The following KANSL1L variants were observed in gnomAD, a reference collection of about 807,000 sequenced individuals.
The protein encoded by KANSL1L is KAT8 regulatory NSL complex subunit 1 like, also known as KAT8 regulatory NSL complex subunit 1-like protein.
In KANSL1L, 25 loss-of-function variants were observed where a neutral mutation model predicts 108.6. The observed-to-expected ratio is 0.23, with a 90% CI of 0.17 to 0.32. The LOEUF is 0.32. KANSL1L is among the 10% of genes least tolerant of loss of function. The pLI, the probability that KANSL1L is intolerant of heterozygous loss-of-function variation, is 1.00. For synonymous variants in KANSL1L, 405 were observed against 395.1 expected (o/e 1.03, Z -0.30); for missense variants, 1,137 against 1,125.7 (o/e 1.01, Z -0.14).
chr2:210,133,954 A>G (rs1300844397), intron 2 of KANSL1L, among the ~76,000 whole-genome samples: 4 of 152,050 alleles, frequency 2.6e-5, no homozygotes, highest in Non-Finnish European at 5.9e-5. Context: ...AAATTTCTTT[A>G]GTGCGTGTAT....
chr2:210,163,128 T>A (rs2095370295), intron 1 of KANSL1L, among the ~76,000 whole-genome samples: 1 of 152,074 alleles, frequency 6.6e-6, no homozygotes, highest in Non-Finnish European at 1.5e-5. Flanking sequence ...CAAGGCACAC[T>A]AAAGGGCAAA....
At chr2:210,069,063 C>T (rs1488318864) in intron 6 of KANSL1L, among the ~76,000 whole-genome samples, 1 of 152,138 alleles carries the variant, frequency 6.6e-6, no homozygotes, top group Non-Finnish European at 1.5e-5. Flanking sequence ...TCATATTCTA[C>T]TCTAAAAAGC....
At chr2:210,149,822 A>C (rs2095289878) in intron 2 of KANSL1L, among the ~76,000 whole-genome samples, 1 of 151,992 alleles carries the variant, frequency 6.6e-6, no homozygotes, top group Non-Finnish European at 1.5e-5. Context: ...AAAATATTCA[A>C]AACAACATTT....
intron 3 of KANSL1L, 137 bp downstream of exon 3, chr2:210,128,894 A>C (rs1402468707): frequency 1.8e-5 from 11 of 619,818 alleles, no homozygotes; most frequent in Non-Finnish European, 1.6e-5. Context: ...TCAATTTATA[A>C]TAATATATCA....
At chr2:210,148,744 G>A (rs1016565025) in intron 2 of KANSL1L, among the ~76,000 whole-genome samples, 12 of 152,056 alleles carry the variant, frequency 7.9e-5, no homozygotes, top group Non-Finnish European at 1.2e-4. Context: ...AAAGTCAAGC[G>A]AAATATATAT....
intron 8 of KANSL1L, among the ~76,000 whole-genome samples, chr2:210,037,382 T>C (rs1274080690): frequency 6.6e-6 from 1 of 152,212 alleles, no homozygotes; most frequent in African/African-American, 2.4e-5. Flanking sequence ...TCTTCATGGA[T>C]GCATTTTTTT....
rs912681547 is a variant in KANSL1L at position 210,034,760 on chromosome 2, T to C, written c.2030-3214A>G. Among the ~76,000 whole-genome samples, 10 of 152,150 alleles carry C rather than the reference T, an allele frequency of 6.6e-5. 1 individual carries two copies. Among genetic ancestry groups the C allele is most frequent in the South Asian group, 6.2e-4 (3 of 4,824 alleles). ...TTGGTTTAGACCAAGTTGGAGGAAG[T>C]GTGGGTGACAAAGACTGAGCTCTAT... is the stretch of plus-strand genomic sequence containing the variant. On this transcript the variant is annotated intron_variant, in intron 8 of 14. Coordinates refer to ENST00000281772, the MANE Select transcript of KANSL1L (RefSeq NM_152519.4).
intron 6 of KANSL1L, among the ~76,000 whole-genome samples, chr2:210,071,691 TA>T (rs2094508822): frequency 5.3e-5 from 8 of 152,196 alleles, no homozygotes; most frequent in Admixed American, 5.2e-4. Context: ...TCTAAGGTGC[TA>T]GCTGTTAGAA....
At chr2:210,060,666 G>A (rs936529518) in intron 6 of KANSL1L, among the ~76,000 whole-genome samples, 6 of 152,098 alleles carry the variant, frequency 3.9e-5, no homozygotes, top group Non-Finnish European at 7.4e-5. Flanking sequence ...GAGATTAGCA[G>A]GTCAACTAGT....
chr2:210,104,307 CA>C lies in KANSL1L; in HGVS notation c.1231-7del, dbSNP rs540744551. On this transcript the variant is annotated splice_polypyrimidine_tract_variant and splice_region_variant and intron_variant, in intron 3 of 14. Coordinates refer to ENST00000281772, the MANE Select transcript of KANSL1L (RefSeq NM_152519.4). ...TCTTCTAGGACCACTATCCCCTAGA[CA>C]AAAAACAATGAGAAAGTTGAAATGA... 1.9e-6 allele frequency: 3 copies of C among 1,604,668 alleles called. No homozygotes were observed. Among genetic ancestry groups the C allele is most frequent in the African/African-American group, 2.7e-5 (2 of 74,558 alleles).
chr2:210,158,403 T>C lies in KANSL1L; in HGVS notation c.-29-3792A>G, dbSNP rs527794119. On this transcript the variant is annotated intron_variant, in intron 1 of 14. Transcript: ENST00000281772. ...GAAACAGATCCTTCCCAGTAATGCC[T>C]TTAGATGACTGTTGCCCTAGCCAAC... Among the ~76,000 whole-genome samples the C allele has an allele frequency of 5.9e-5, 9 of 152,308 alleles. No homozygotes were observed. In the East Asian group the frequency reaches 1.3e-3, roughly 23 times the overall value.
chr2:210,113,020 T>C (rs1372496723), intron 3 of KANSL1L, among the ~76,000 whole-genome samples: 2 of 152,182 alleles, frequency 1.3e-5, no homozygotes, highest in Non-Finnish European at 2.9e-5. Flanking sequence ...CCTGCATAAG[T>C]CAGGGTAGGG....
intron 6 of KANSL1L, among the ~76,000 whole-genome samples, chr2:210,068,567 A>T (rs1474297389): frequency 6.6e-6 from 1 of 152,034 alleles, no homozygotes; most frequent in Admixed American, 6.6e-5. Flanking sequence ...CTAGAAGTTT[A>T]TTGTTTTCCT....
At chr2:210,152,083 A>G (rs1280235037) in intron 2 of KANSL1L, 5 of 152,060 alleles carry the variant, frequency 3.3e-5, no homozygotes, top group East Asian at 1.9e-4. Flanking sequence ...CCAGGTTTTA[A>G]GCCTAGTGCC....
intron 6 of KANSL1L, among the ~76,000 whole-genome samples, chr2:210,056,050 C>T (rs1050920105): frequency 1.3e-5 from 2 of 152,220 alleles, no homozygotes; most frequent in African/African-American, 2.4e-5. Flanking sequence ...GCGCCCAGGA[C>T]CCCCCTGCTC....
chr2:210,032,551 C>T (rs755787153), intron 8 of KANSL1L: 3 of 152,240 alleles, frequency 2.0e-5, no homozygotes, highest in Non-Finnish European at 4.4e-5. Context: ...TGGATATTGA[C>T]TGCACATGCC....
At chr2:210,135,252 T>C (rs187849551) in intron 2 of KANSL1L, among the ~76,000 whole-genome samples, 362 of 152,278 alleles carry the variant, frequency 2.4e-3, no homozygotes, top group African/African-American at 8.2e-3. Context: ...TATAGAGGAC[T>C]TTACCCAATG....
At chr2:210,166,396 T>C (rs1687964717) in intron 1 of KANSL1L, among the ~76,000 whole-genome samples, 1 of 152,090 alleles carries the variant, frequency 6.6e-6, no homozygotes, top group Non-Finnish European at 1.5e-5. Flanking sequence ...TTCAAAAAAT[T>C]TTTGACAAAC....
At chr2:210,039,769 T>G (rs552052943) in intron 8 of KANSL1L, among the ~76,000 whole-genome samples, 5 of 151,974 alleles carry the variant, frequency 3.3e-5, no homozygotes, top group African/African-American at 1.2e-4. Context: ...CTTATTCTGA[T>G]TCATAGCATT....
Sources: gnomAD v4.1 joint callset for allele counts (sites outside exome capture counted in the v4.1 genomes callset) on GRCh38, gnomAD v4.1.1 for gene constraint, MANE v1.5 for transcripts, NCBI Gene and HGNC (gene_info 2026-07-23, HGNC 2026-07-21) for gene names.